Variants in SPRYD4 observed in about 807,000 individuals in gnomAD.
SPRYD4 encodes the protein SPRY domain-containing protein 4.
In SPRYD4, 12 loss-of-function variants were observed where a neutral mutation model predicts 16.6. That is an observed-to-expected ratio of 0.72 (90% CI 0.46 to 1.17). The LOEUF (loss-of-function observed/expected upper bound fraction) is 1.17, where lower values mean the gene tolerates loss of function less well. Ranked by LOEUF, SPRYD4 falls within the 50% of genes most tolerant of loss-of-function variation. SPRYD4 has a pLI of 0.00. For missense variants in SPRYD4, 260 were observed against 260.2 expected, an observed-to-expected ratio of 1.00 and a Z score of 0.00; for synonymous variants, 98 against 105.4, an observed-to-expected ratio of 0.93 and a Z score of 0.43.
In SPRYD4 at chr12:56,472,440, A is replaced by G; in HGVS notation, c.*2863A>G. On this transcript the variant is annotated 3_prime_UTR_variant, in exon 2 of 2. Coordinates refer to ENST00000338146, the MANE Select transcript of SPRYD4 (RefSeq NM_207344.4). ...CCTACCTGTGGTAAGTGCCCATTTG[A>G]GGCAGGGTACCTACTTCCTAGGACA... 5.0e-6 allele frequency: 3 copies of G among 604,240 alleles called. No individual in the cohort carries two copies. The highest frequency in any genetic ancestry group is 8.7e-6 in the Non-Finnish European group (3 of 342,984). 37.4% of individuals were successfully genotyped at this position (604,240 alleles called of 1,614,324 possible). A position where few individuals can be genotyped will look rare whatever the true frequency, so the allele number is the denominator to read the frequency against.
In SPRYD4 at chr12:56,470,682, G is replaced by A. The variant is rs891481948; in HGVS notation, c.*1105G>A. ...ATTTCTGCCACAGTTGGAACTTCCC[G>A]AGGAAGGAAGGAGGCCTGAGGTTTT... On this transcript the variant is annotated 3_prime_UTR_variant, in exon 2 of 2. Transcript: ENST00000338146. 8 of 152,268 alleles carry A rather than the reference G, an allele frequency of 5.3e-5. No individual in the cohort carries two copies. The highest frequency in any genetic ancestry group is 2.1e-4 in the South Asian group (1 of 4,826). 9.4% of individuals were successfully genotyped at this position (152,268 alleles called of 1,614,324 possible).
rs1232601910 is a variant in SPRYD4, at chr12:56,475,785, T to C, written c.*6208T>C. On this transcript the variant is annotated 3_prime_UTR_variant, in exon 2 of 2. Transcript: ENST00000338146. ...CTGAACTCAGGTCTTGTCAAGAGGC[T>C]TTCCTCTCTGAGGCCAGCAGATTTC... 7.2e-7 allele frequency: 1 copy of C among 1,387,304 alleles called. No homozygotes were observed. The highest frequency in any genetic ancestry group is 1.0e-6 in the Non-Finnish European group (1 of 993,248). The allele number at this position is 1,387,304 out of a possible 1,614,324, so 85.9% of individuals were successfully genotyped here.
Position 56,473,728 on chromosome 12 carries a change from ATTAGCTTC to A in SPRYD4, c.*4154_*4161del. 9.1e-7 allele frequency: 1 copy of A among 1,093,774 alleles called. No individual in the cohort carries two copies. The highest frequency in any genetic ancestry group is 1.3e-6 in the Non-Finnish European group (1 of 794,216). The allele number at this position is 1,093,774 out of a possible 1,614,324, so 67.8% of individuals were successfully genotyped here. A position where few individuals can be genotyped will look rare whatever the true frequency, so the allele number is the denominator to read the frequency against. Reference sequence around the variant, plus strand: ...TCCACCTCAACCTTTTGGCTTGTTAATTAGCTTCTTTTATTACTCCTGTCCTTTCCTTC... The same window carrying A: ...TCCACCTCAACCTTTTGGCTTGTTAATTTTATTACTCCTGTCCTTTCCTTC... On this transcript the variant is annotated 3_prime_UTR_variant, in exon 2 of 2. Transcript: ENST00000338146.
chr12:56,474,309 G>A lies in SPRYD4; in HGVS notation c.*4732G>A, dbSNP rs961466968. 3.8e-5 allele frequency: 20 copies of A among 520,444 alleles called. No homozygotes were observed. The highest frequency in any genetic ancestry group is 7.7e-5 in the African/African-American group (4 of 51,774). 32.2% of individuals were successfully genotyped at this position (520,444 alleles called of 1,614,324 possible). A position where few individuals can be genotyped will look rare whatever the true frequency, so the allele number is the denominator to read the frequency against. ...TCACCATGTAGGTCAGGCTGGTCTC[G>A]AACTCCTGACCTCAGGTGATCCACC... On this transcript the variant is annotated 3_prime_UTR_variant, in exon 2 of 2. Coordinates refer to ENST00000338146, the MANE Select transcript of SPRYD4 (RefSeq NM_207344.4).
chr12:56,472,583 A>G lies in SPRYD4; in HGVS notation c.*3006A>G. The G allele has an allele frequency of 9.8e-7, 1 of 1,023,690 alleles. No homozygotes were observed. Among genetic ancestry groups the G allele is most frequent in the Non-Finnish European group, 1.5e-6 (1 of 665,838 alleles). The allele number at this position is 1,023,690 out of a possible 1,614,324, so 63.4% of individuals were successfully genotyped here. On this transcript the variant is annotated 3_prime_UTR_variant, in exon 2 of 2. Transcript: ENST00000338146. ...TTTCATTTAAATGCAATCTATATCC[A>G]TTCTAATTCCAAAGCTGAAGCACTT...
At position 56,469,551 on chromosome 12, in the gene SPRYD4, G is replaced by A. The variant is rs776405701; in HGVS notation, c.598G>A (p.Gly200Arg). ...LWDGELLTHSGLEVPEGL is the reference protein window; with the variant it reads ...LWDGELLTHSRLEVPEGL ...GGATGGGGAGCTGCTGACCCATTCA[G>A]GGCTTGAGGTGCCCGAGGGCCTCTA... is the stretch of plus-strand genomic sequence containing the variant. The change falls in exon 2 of 2, where the codon GGG (glycine) becomes AGG (arginine). Residue 200 changes from glycine (G) to arginine (R), a missense_variant. By Grantham distance (125) the Gly-to-Arg change is moderately radical (BLOSUM62 -2). Transcript: ENST00000338146. The A allele has an allele frequency of 2.5e-6, 4 of 1,613,860 alleles. No homozygotes were observed. In the South Asian group the frequency reaches 4.4e-5, roughly 18 times the overall value.
In SPRYD4 at chr12:56,474,934, C is replaced by T; in HGVS notation, c.*5357C>T. 1.9e-6 allele frequency: 3 copies of T among 1,614,000 alleles called. No individual in the cohort carries two copies. The highest frequency in any genetic ancestry group is 2.5e-6 in the Non-Finnish European group (3 of 1,179,970). On this transcript the variant is annotated 3_prime_UTR_variant, in exon 2 of 2. Transcript: ENST00000338146. ...GAGGGGAGAGCATTTCTCTTCAGGA[C>T]ATCAGCCCTTTCACACTGTCAGGGT...
Position 56,471,379 on chromosome 12 carries a change from G to C in SPRYD4, c.*1802G>C, listed in dbSNP as rs1445410464. 1.7e-6 allele frequency: 2 copies of C among 1,187,448 alleles called. No individual in the cohort carries two copies. Among genetic ancestry groups the C allele is most frequent in the Non-Finnish European group, 2.3e-6 (2 of 861,764 alleles). 73.6% of individuals were successfully genotyped at this position (1,187,448 alleles called of 1,614,324 possible). On this transcript the variant is annotated 3_prime_UTR_variant, in exon 2 of 2. Coordinates refer to ENST00000338146, the MANE Select transcript of SPRYD4 (RefSeq NM_207344.4). Reference sequence around the variant, plus strand: ...AGCCTAAGTCACCAAATGACTGCTTGGTCCCCACTGAAGCAGTGTAGCTCT... The same window carrying C: ...AGCCTAAGTCACCAAATGACTGCTTCGTCCCCACTGAAGCAGTGTAGCTCT...
At position 56,478,337 on chromosome 12, in the gene SPRYD4, A is replaced by C. The variant is rs1870006906; in HGVS notation, c.*8760A>C. ...CAGAGTTGAGGTTGAGGGTCAAGAG[A>C]ATCTTTTAGATAAAAGCTAAAATTC... On this transcript the variant is annotated 3_prime_UTR_variant, in exon 2 of 2. Transcript: ENST00000338146. 3 of 1,481,106 alleles carry C rather than the reference A, an allele frequency of 2.0e-6. No individual in the cohort carries two copies. The African/African-American group carries it at 4.2e-5, about 21-fold the overall frequency. The allele number at this position is 1,481,106 out of a possible 1,614,324, so 91.7% of individuals were successfully genotyped here.
rs1452424198 is a variant in SPRYD4, at chr12:56,475,923, G to A, written c.*6346G>A. The A allele has an allele frequency of 6.2e-7, 1 of 1,613,456 alleles. No individual in the cohort carries two copies. Among genetic ancestry groups the A allele is most frequent in the Non-Finnish European group, 8.5e-7 (1 of 1,179,690 alleles). On this transcript the variant is annotated 3_prime_UTR_variant, in exon 2 of 2. Coordinates refer to ENST00000338146, the MANE Select transcript of SPRYD4 (RefSeq NM_207344.4). The stretch of plus-strand genomic sequence containing the variant: ...ATGCCATGGCGAAATGCAGCCAGGG[G>A]CTAAGTAGCAAGGGAACTTACAAAA...
Position 56,469,454 on chromosome 12 carries a change from G to C in SPRYD4, c.501G>C (p.Val167=). Reference sequence around the variant, plus strand: ...CCCAGAAGCTGAGCCTGGTGGATGTGAGCCAGGTCTCTGTGGTTCACACGC... The same window carrying C: ...CCCAGAAGCTGAGCCTGGTGGATGTCAGCCAGGTCTCTGTGGTTCACACGC... ...YEAQKLSLVD[V]SQVSVVHTLQ... The change falls in exon 2 of 2, where the codon GTG becomes GTC. Residue 167 remains valine, a synonymous_variant. Coordinates refer to ENST00000338146, the MANE Select transcript of SPRYD4 (RefSeq NM_207344.4). The C allele has an allele frequency of 1.2e-6, 2 of 1,614,096 alleles. No homozygotes were observed. Among genetic ancestry groups the C allele is most frequent in the Non-Finnish European group, 1.7e-6 (2 of 1,180,030 alleles).
Position 56,472,566 on chromosome 12 carries a change from A to G in SPRYD4, c.*2989A>G. 1.2e-6 allele frequency: 1 copy of G among 841,538 alleles called. No individual in the cohort carries two copies. The highest frequency in any genetic ancestry group is 1.9e-6 in the Non-Finnish European group (1 of 529,366). The allele number at this position is 841,538 out of a possible 1,614,324, so 52.1% of individuals were successfully genotyped here. On this transcript the variant is annotated 3_prime_UTR_variant, in exon 2 of 2. Transcript: ENST00000338146. Reference sequence around the variant, plus strand: ...CTCCTTTTTTAAAAAAATTTCATTTAAATGCAATCTATATCCATTCTAATT... The same window carrying G: ...CTCCTTTTTTAAAAAAATTTCATTTGAATGCAATCTATATCCATTCTAATT...
rs1166298308 is a variant in SPRYD4, at chr12:56,471,958, C to T, written c.*2381C>T. On this transcript the variant is annotated 3_prime_UTR_variant, in exon 2 of 2. Transcript: ENST00000338146. ...AAAAGGCCTCTTCCCATTTTGTACC[C>T]TGCAGCACTCAGTCATAGTCTAGCT... 1 of 1,278,640 alleles carries T rather than the reference C, an allele frequency of 7.8e-7. No individual in the cohort carries two copies. Among genetic ancestry groups the T allele is most frequent in the Admixed American group, 1.7e-5 (1 of 57,942 alleles). The allele number at this position is 1,278,640 out of a possible 1,614,324, so 79.2% of individuals were successfully genotyped here.
Position 56,468,640 on chromosome 12 carries a change from A to G in SPRYD4, c.49A>G (p.Lys17Glu). The change falls in exon 1 of 2, where the codon AAA becomes GAA. Residue 17 changes from lysine to glutamate, a missense_variant. Transcript: ENST00000338146. Reference sequence around the variant, plus strand: ...TTTGCGCTTGTGCCGCTGGGGAGCCAAACGATTGGGAGTTGCCTCCACAGA... The same window carrying G: ...TTTGCGCTTGTGCCGCTGGGGAGCCGAACGATTGGGAGTTGCCTCCACAGA... ...RSLRLCRWGAKRLGVASTEAQ... is the reference protein window; with the variant it reads ...RSLRLCRWGAERLGVASTEAQ... 1 of 1,614,138 alleles carries G rather than the reference A, an allele frequency of 6.2e-7. No individual in the cohort carries two copies. Among genetic ancestry groups the G allele is most frequent in the Non-Finnish European group, 8.5e-7 (1 of 1,179,990 alleles).
At position 56,475,135 on chromosome 12, in the gene SPRYD4, C is replaced by G. The variant is rs1869691640; in HGVS notation, c.*5558C>G. The G allele has an allele frequency of 6.2e-7, 1 of 1,613,550 alleles. No individual in the cohort carries two copies. The highest frequency in any genetic ancestry group is 8.5e-7 in the Non-Finnish European group (1 of 1,180,040). ...TCTGAAGCAAACACCCAATTTAGTA[C>G]TTGAAGTTGGAGGAGTGGGTGTTGG... is the stretch of plus-strand genomic sequence containing the variant. On this transcript the variant is annotated 3_prime_UTR_variant, in exon 2 of 2. Transcript: ENST00000338146.
Position 56,476,083 on chromosome 12 carries a change from G to T in SPRYD4, c.*6506G>T. 1 of 1,069,368 alleles carries T rather than the reference G, an allele frequency of 9.4e-7. No individual in the cohort carries two copies. The highest frequency in any genetic ancestry group is 1.4e-6 in the Non-Finnish European group (1 of 711,310). The allele number at this position is 1,069,368 out of a possible 1,614,324, so 66.2% of individuals were successfully genotyped here. On this transcript the variant is annotated 3_prime_UTR_variant, in exon 2 of 2. Coordinates refer to ENST00000338146, the MANE Select transcript of SPRYD4 (RefSeq NM_207344.4). The stretch of plus-strand genomic sequence containing the variant: ...CTAGTGTTAGTCTGGTCCTGCTGCT[G>T]CAAATGTGTTCAATTTTATAATGGC...
Position 56,475,286 on chromosome 12 carries a change from A to G in SPRYD4, c.*5709A>G. The G allele has an allele frequency of 6.7e-7, 1 of 1,484,700 alleles. No individual in the cohort carries two copies. Among genetic ancestry groups the G allele is most frequent in the East Asian group, 2.4e-5 (1 of 41,276 alleles). The allele number at this position is 1,484,700 out of a possible 1,614,324, so 92.0% of individuals were successfully genotyped here. A position where few individuals can be genotyped will look rare whatever the true frequency, so the allele number is the denominator to read the frequency against. On this transcript the variant is annotated 3_prime_UTR_variant, in exon 2 of 2. Coordinates refer to ENST00000338146, the MANE Select transcript of SPRYD4 (RefSeq NM_207344.4). ...TTCTGAACCTGAGCAAACACTCAGC[A>G]TAGTTTTGTTATAAAGTAAACCCAA...
Position 56,474,854 on chromosome 12 carries a change from A to G in SPRYD4, c.*5277A>G. The G allele has an allele frequency of 6.2e-7, 1 of 1,614,176 alleles. No individual in the cohort carries two copies. Among genetic ancestry groups the G allele is most frequent in the Non-Finnish European group, 8.5e-7 (1 of 1,180,016 alleles). ...GAGCAGTGTTTTCTTACCTGGAAGT[A>G]GAGATCAAGGGCAGCCATCATGTCC... On this transcript the variant is annotated 3_prime_UTR_variant, in exon 2 of 2. Coordinates refer to ENST00000338146, the MANE Select transcript of SPRYD4 (RefSeq NM_207344.4).
In SPRYD4 at chr12:56,468,687, C is replaced by T. The variant is rs746608124; in HGVS notation, c.85+11C>T. 4.4e-6 allele frequency: 7 copies of T among 1,608,382 alleles called. No individual in the cohort carries two copies. In the Admixed American group the frequency reaches 1.2e-4, roughly 27 times the overall value. ...CAGAGGCCCAGAGAGGTAGGATTAT[C>T]TCTTTTTACTCTTTTACCTCCAGAA... On this transcript the variant is annotated intron_variant, in intron 1 of 1. Coordinates refer to ENST00000338146, the MANE Select transcript of SPRYD4 (RefSeq NM_207344.4).
Sources: gnomAD v4.1 joint callset for allele counts on GRCh38, gnomAD v4.1.1 for gene constraint, MANE v1.5 for transcripts, NCBI Gene and HGNC (gene_info 2026-07-23, HGNC 2026-07-21) for gene names.